Variants in TRPM1 observed in about 807,000 individuals in gnomAD.
TRPM1 encodes TRPM1-203 APA Isoform, Intron 10.
Under a neutral mutation model 149.4 loss-of-function variants are expected in TRPM1, and 113 were observed. That is an observed-to-expected ratio of 0.76 (90% CI 0.65 to 0.88). TRPM1 has a LOEUF of 0.88. Ranked by LOEUF, TRPM1 falls within the 40% of genes least tolerant of loss-of-function variation. The pLI is 0.00. For synonymous variants in TRPM1, 741 were observed against 759.5 expected (o/e 0.98, Z 0.40); for missense variants, 1,976 against 2,038.7 (o/e 0.97, Z 0.59).
intron 13 of TRPM1, among the ~76,000 whole-genome samples, chr15:31,048,718 C>G (rs965508914): frequency 6.6e-6 from 1 of 151,818 alleles, no homozygotes; most frequent in Non-Finnish European, 1.5e-5. Flanking sequence ...AGGCTGGGAT[C>G]GGAGGATGGC....
At chr15:31,113,633 C>G (rs1023481133) in intron 1 of TRPM1, among the ~76,000 whole-genome samples, 1 of 152,120 alleles carries the variant, frequency 6.6e-6, no homozygotes, top group Non-Finnish European at 1.5e-5. Flanking sequence ...CTTTACTGTA[C>G]AAATTATTTT....
chr15:31,057,238 A>G (rs1031518380), intron 11 of TRPM1, among the ~76,000 whole-genome samples: 3 of 152,252 alleles, frequency 2.0e-5, no homozygotes, highest in African/African-American at 7.2e-5. Flanking sequence ...TGTCCTTCGC[A>G]GGGACATGGA....
chr15:31,106,070 A>G (rs1200818293), upstream of TRPM1, among the ~76,000 whole-genome samples: 1 of 152,160 alleles, frequency 6.6e-6, no homozygotes, highest in African/African-American at 2.4e-5. Flanking sequence ...AGATTCTTTC[A>G]GAGTAGTCTG....
Position 31,040,035 on chromosome 15 carries a change from G to A in TRPM1, c.2316+83C>T, listed in dbSNP as rs922568250. The A allele has an allele frequency of 6.6e-6, 8 of 1,218,260 alleles. No individual in the cohort carries two copies. The highest frequency in any genetic ancestry group is 9.7e-6 in the Non-Finnish European group (8 of 827,014). The allele number at this position is 1,218,260 out of a possible 1,614,324, so 75.5% of individuals were successfully genotyped here. A position where few individuals can be genotyped will look rare whatever the true frequency, so the allele number is the denominator to read the frequency against. On this transcript the variant is annotated intron_variant, in intron 18 of 27. Transcript: ENST00000256552. The surrounding 1 kb of genome is among the most constrained non-coding windows in gnomAD (Gnocchi z 4.2). ...TTGCTAGAAGGAATAAATGAAATAA[G>A]CCACAGAAAGTGCTCAGTTCAGCCT... is the stretch of plus-strand genomic sequence containing the variant.
At position 31,049,503 on chromosome 15, in the gene TRPM1, C is replaced by A; in HGVS notation, c.1444G>T (p.Ala482Ser). The A allele has an allele frequency of 6.2e-7, 1 of 1,613,906 alleles. No individual in the cohort carries two copies. Among genetic ancestry groups the A allele is most frequent in the Non-Finnish European group, 8.5e-7 (1 of 1,180,032 alleles). ...RKIELLNWVNALEQAMLDALV... is the reference protein window; with the variant it reads ...RKIELLNWVNSLEQAMLDALV... Reference sequence around the variant, plus strand: ...GCATCTAGCATCGCTTGCTCCAAAGCATTCACCTGCAGGGACCAAGGGCCG... The same window carrying A: ...GCATCTAGCATCGCTTGCTCCAAAGAATTCACCTGCAGGGACCAAGGGCCG... The change falls in exon 13 of 28, where the codon GCT becomes TCT. Residue 482 changes from alanine to serine, a missense_variant. Physicochemically the swap from Ala to Ser is moderately conservative, Grantham distance 99. Coordinates refer to ENST00000256552, the MANE Select transcript of TRPM1 (RefSeq NM_001252024.2).
intron 3 of TRPM1, among the ~76,000 whole-genome samples, chr15:31,072,018 T>TATATAGAGAGAGAGAGAG (rs1400392427): frequency 2.2e-4 from 8 of 36,900 alleles, no homozygotes; most frequent in African/African-American, 6.7e-4. Flanking sequence ...TATATATATA[T>TATATAGAGAGAGAGAGAG]AGAGAGAGAG....
Position 31,042,016 on chromosome 15 carries a change from C to T in TRPM1, c.2022G>A (p.Met674Ile). 6.2e-7 allele frequency: 1 copy of T among 1,614,182 alleles called. No individual in the cohort carries two copies. Among genetic ancestry groups the T allele is most frequent in the South Asian group, 1.1e-5 (1 of 91,084 alleles). ...ALVACKLYKA[M>I]AHESSESDLV... ...GATCACTCTCGGAGGACTCGTGGGC[C>T]ATGGCCTTGTAGAGCTTGCAGGCCA... The change falls in exon 17 of 28, where the codon ATG becomes ATA. Residue 674 changes from methionine to isoleucine, a missense_variant. Physicochemically the swap from Met to Ile is conservative, Grantham distance 10 (BLOSUM62 1). Coordinates refer to ENST00000256552, the MANE Select transcript of TRPM1 (RefSeq NM_001252024.2).
intron 1 of TRPM1, among the ~76,000 whole-genome samples, chr15:31,094,728 C>A (rs1224135439): frequency 6.6e-6 from 1 of 152,112 alleles, no homozygotes; most frequent in Non-Finnish European, 1.5e-5. Context: ...AAATAGTAAC[C>A]AGTGTTTGCA....
intron 24 of TRPM1, among the ~76,000 whole-genome samples, 187 bp downstream of exon 24, chr15:31,029,184 A>G (rs1466841259): frequency 6.6e-6 from 1 of 152,200 alleles, no homozygotes; most frequent in African/African-American, 2.4e-5. Context: ...TCCCCTAAAA[A>G]AATAGGGTGA....
chr15:31,001,919 T>A lies in TRPM1; in HGVS notation c.4781A>T (p.His1594Leu), dbSNP rs200626726. The change falls in exon 28 of 28, where the codon CAT (histidine) becomes CTT (leucine). Residue 1594 changes from histidine to leucine, a missense_variant. His to Leu is a moderately conservative substitution (Grantham distance 99). Transcript: ENST00000256552. ...TACTAAGCTGCTTACACTACTGGCA[T>A]GTCCAGATCTGTCTAACTTTCCCTG... ...SIQGKLDRSG[H>L]ASSVSSLVIV... The A allele has an allele frequency of 3.7e-6, 6 of 1,614,210 alleles. No individual in the cohort carries two copies. The highest frequency in any genetic ancestry group is 4.5e-5 in the East Asian group (2 of 44,892).
At chr15:31,058,755 G>A (rs866235686) in intron 11 of TRPM1, among the ~76,000 whole-genome samples, 3 of 152,160 alleles carry the variant, frequency 2.0e-5, no homozygotes, top group African/African-American at 4.8e-5. Context: ...GTGGTTCCAC[G>A]TACTCTTTAC....
intron 27 of TRPM1, among the ~76,000 whole-genome samples, chr15:31,007,378 C>A (rs1168609657): frequency 1.3e-5 from 2 of 152,172 alleles, no homozygotes; most frequent in African/African-American, 4.8e-5. Flanking sequence ...ACCAAGACCA[C>A]ACTGTCTTCA....
chr15:31,092,126 G>T (rs2035256638), intron 1 of TRPM1, among the ~76,000 whole-genome samples: 1 of 147,140 alleles, frequency 6.8e-6, no homozygotes, highest in Non-Finnish European at 1.5e-5. Flanking sequence ...GTGGGGTGGG[G>T]TGGGACACTG....
chr15:31,006,393 G>C (rs2031990348), intron 27 of TRPM1, among the ~76,000 whole-genome samples: 1 of 152,176 alleles, frequency 6.6e-6, no homozygotes, highest in African/African-American at 2.4e-5. Flanking sequence ...GGCCAGGCTG[G>C]CCTCGAACTC....
Position 31,047,608 on chromosome 15 carries a change from C to G in TRPM1, c.1623+281G>C, listed in dbSNP as rs574962698. Among the ~76,000 whole-genome samples, 21 of 152,320 alleles carry G rather than the reference C, an allele frequency of 1.4e-4. No individual in the cohort carries two copies. In the South Asian group the frequency reaches 4.3e-3, roughly 32 times the overall value. ...GCTCAGGTCAGCAGCCAGGCCACCC[C>G]CTTCCCCAACCCCACCCAGTGGCCG... is the stretch of plus-strand genomic sequence containing the variant. On this transcript the variant is annotated intron_variant, in intron 14 of 27. Transcript: ENST00000256552.
At chr15:31,148,121 A>G (rs1340763574) in intron 1 of TRPM1, among the ~76,000 whole-genome samples, 1 of 152,250 alleles carries the variant, frequency 6.6e-6, no homozygotes, top group Non-Finnish European at 1.5e-5. Flanking sequence ...GCCTTCCCCA[A>G]GATTTCCATA....
At chr15:31,144,961 C>T (rs2036206403) in intron 1 of TRPM1, among the ~76,000 whole-genome samples, 1 of 152,146 alleles carries the variant, frequency 6.6e-6, no homozygotes, top group Non-Finnish European at 1.5e-5. Context: ...GGTAATCTGC[C>T]TGCCTCAGCC....
chr15:31,140,135 GGT>G (rs1374869176), intron 1 of TRPM1, among the ~76,000 whole-genome samples: 2 of 151,692 alleles, frequency 1.3e-5, no homozygotes, highest in Non-Finnish European at 2.9e-5. Context: ...GGGAGGCCGT[GGT>G]GGGTGGATCA....
intron 1 of TRPM1, among the ~76,000 whole-genome samples, chr15:31,113,091 C>T (rs1345432009): frequency 1.6e-4 from 24 of 152,140 alleles, no homozygotes; most frequent in Admixed American, 1.6e-3. Context: ...GAACCCCTGT[C>T]CAGGGCTGCT....
Sources: allele counts gnomAD v4.1 joint callset (sites outside exome capture counted in the v4.1 genomes callset), GRCh38; gene constraint gnomAD v4.1.1; non-coding constraint Gnocchi (gnomAD v3.1); transcripts MANE v1.5; gene names NCBI Gene and HGNC (gene_info 2026-07-23, HGNC 2026-07-21).